MAP2K2: variants seen among roughly 807,000 people sequenced by gnomAD.
MAP2K2 encodes the protein mitogen-activated protein kinase kinase 2, also known as dual specificity mitogen-activated protein kinase kinase 2.
A neutral mutation model predicts 43.7 loss-of-function variants in MAP2K2; 24 were observed. The ratio of observed to expected loss-of-function variants is 0.55; its 90% CI spans 0.40 to 0.77. The LOEUF (loss-of-function observed/expected upper bound fraction) is 0.77. MAP2K2 is among the 30% of genes least tolerant of loss of function. The pLI is 0.00. For synonymous variants in MAP2K2, 244 were observed against 239.7 expected (o/e 1.02, Z -0.17); for missense variants, 470 against 566.8 (o/e 0.83, Z 1.73).
chr19:4,108,147 A>C (rs1417072543), intron 3 of MAP2K2, among the ~76,000 whole-genome samples: 1 of 152,212 alleles, frequency 6.6e-6, no homozygotes, highest in Non-Finnish European at 1.5e-5. Flanking sequence ...CGAGGATGGC[A>C]GGGATGGCCC....
chr19:4,108,321 A>T (rs1305084581), intron 3 of MAP2K2, among the ~76,000 whole-genome samples: 1 of 152,104 alleles, frequency 6.6e-6, no homozygotes, highest in South Asian at 2.1e-4. Flanking sequence ...GCTCACTGAA[A>T]GCTCTGCCTC....
chr19:4,106,746 G>C (rs1357132296), intron 3 of MAP2K2, among the ~76,000 whole-genome samples: 1 of 152,184 alleles, frequency 6.6e-6, no homozygotes, highest in Non-Finnish European at 1.5e-5. Flanking sequence ...TCCACTACAT[G>C]AATAGTGTTG....
rs1379386931 is a variant in MAP2K2, at chr19:4,110,499, A to C, written c.450+10T>G. On this transcript the variant is annotated intron_variant, in intron 3 of 10. Transcript: ENST00000262948. ...GGCCCTGCCCCTGCCCCTGCCCCGG[A>C]CGCACTCACCATGTGTTCCATGCAA... 1 of 1,612,756 alleles carries C rather than the reference A, an allele frequency of 6.2e-7. No individual in the cohort carries two copies. Among genetic ancestry groups the C allele is most frequent in the Non-Finnish European group, 8.5e-7 (1 of 1,179,980 alleles).
At chr19:4,097,376 C>A (rs757613431) in intron 7 of MAP2K2, 33 bp from the exon 8 acceptor site, 8 of 1,543,816 alleles carry the variant, frequency 5.2e-6, no homozygotes, top group Admixed American at 3.3e-5. Context: ...GTGAGATGGG[C>A]CGATGGCCAC....
chr19:4,102,266 G>T, intron 4 of MAP2K2, 110 bp downstream of exon 4: 1 of 935,918 alleles, frequency 1.1e-6, no homozygotes, highest in Non-Finnish European at 1.7e-6. Flanking sequence ...TTTCTGCAGG[G>T]GCCACCCTAA....
Position 4,090,618 on chromosome 19 carries a change from G to C in MAP2K2, c.1183C>G (p.Pro395Ala). 1 of 1,552,616 alleles carries C rather than the reference G, an allele frequency of 6.4e-7. No individual in the cohort carries two copies. Among genetic ancestry groups the C allele is most frequent in the Non-Finnish European group, 8.7e-7 (1 of 1,148,236 alleles). The change falls in exon 11 of 11, where the codon CCC (proline) becomes GCC (alanine). Residue 395 changes from proline (P) to alanine (A), a missense_variant. By Grantham distance (27) the Pro-to-Ala change is conservative (BLOSUM62 -1). Around this residue, in one of 3 missense-constraint regions of MAP2K2, gnomAD observed 212 missense variants for 220.8 expected, o/e 0.96. Coordinates refer to ENST00000262948, the MANE Select transcript of MAP2K2 (RefSeq NM_030662.4). ...CACTGTCACACGGCGGTGCGCGTGG[G>C]TGTGCCGGGCTGGTTCAGCCGCAGG... Reference protein sequence around the residue: ...KTLRLNQPGTPTRTAV With the variant: ...KTLRLNQPGTATRTAV
chr19:4,091,937 C>T (rs953789344), intron 10 of MAP2K2, among the ~76,000 whole-genome samples: 1 of 152,240 alleles, frequency 6.6e-6, no homozygotes, highest in Non-Finnish European at 1.5e-5. Flanking sequence ...GTGTGAGCCA[C>T]TGTGCCCGGC....
At chr19:4,104,744 CG>C (rs1469909842) in intron 3 of MAP2K2, 1 of 152,252 alleles carries the variant, frequency 6.6e-6, no homozygotes, top group African/African-American at 2.4e-5. Context: ...GAGATGAGGG[CG>C]GGCGGAGCGC....
chr19:4,112,212 C>G (rs1364748418), intron 2 of MAP2K2, among the ~76,000 whole-genome samples: 1 of 152,228 alleles, frequency 6.6e-6, no homozygotes, highest in Non-Finnish European at 1.5e-5. Flanking sequence ...AAGGGGCGGC[C>G]AAGCACGGAG....
chr19:4,097,233 GAAGA>G (rs758313763), intron 8 of MAP2K2, 42 bp downstream of exon 8: 6 of 792,404 alleles, frequency 7.6e-6, no homozygotes, highest in Admixed American at 2.5e-5. Flanking sequence ...AAAAAAGAAA[GAAGA>G]AAGAAAAGGA....
At chr19:4,103,448 C>G (rs1023189811) in intron 3 of MAP2K2, 1 of 158,720 alleles carries the variant, frequency 6.3e-6, no homozygotes, top group Non-Finnish European at 1.3e-5. Flanking sequence ...GGGTGACAGG[C>G]CAAGTTCCCA....
chr19:4,106,983 G>A (rs2041092002), intron 3 of MAP2K2, among the ~76,000 whole-genome samples: 1 of 152,194 alleles, frequency 6.6e-6, no homozygotes, highest in African/African-American at 2.4e-5. Flanking sequence ...CCCATCCCAT[G>A]AGGCCCCACT....
At chr19:4,120,915 T>C (rs1026242328) in intron 1 of MAP2K2, among the ~76,000 whole-genome samples, 4 of 145,304 alleles carry the variant, frequency 2.8e-5, no homozygotes, top group African/African-American at 7.3e-5. Flanking sequence ...CTTGCACACA[T>C]TGGCATCAAG....
chr19:4,094,308 G>A (rs1013709855), intron 10 of MAP2K2, 145 bp downstream of exon 10: 6 of 823,330 alleles, frequency 7.3e-6, no homozygotes, highest in Admixed American at 2.1e-5. Context: ...GAGGGTCCTC[G>A]GCGTGGCCTG....
At chr19:4,107,523 C>CAAAAA (rs71166959) in intron 3 of MAP2K2, among the ~76,000 whole-genome samples, 61 of 59,122 alleles carry the variant, frequency 1.0e-3, no homozygotes, top group African/African-American at 2.3e-3. Context: ...GACTCCGTCT[C>CAAAAA]AAAAAAAAAA....
In MAP2K2 at chr19:4,101,061, G is replaced by A. The variant is rs2145054010; in HGVS notation, c.663C>T (p.Asp221=). ...TGCCCACGAAGGAGTTGGCCATGGA[G>A]TCGATGAGCTGGCCGCTCACCCCGA... ...CDFGVSGQLI[D]SMANSFVGTR... Residue 221 remains aspartate (D), a synonymous_variant, in exon 6 of 11, where the codon GAC becomes GAT. Transcript: ENST00000262948. This position sits in a 1 kb window ranked among gnomAD's most constrained non-coding sequence, Gnocchi z 6.3. 6.3e-7 allele frequency: 1 copy of A among 1,584,870 alleles called. No individual in the cohort carries two copies. Among genetic ancestry groups the A allele is most frequent in the Non-Finnish European group, 8.6e-7 (1 of 1,165,988 alleles).
chr19:4,096,229 G>A (rs2040915868), intron 8 of MAP2K2, among the ~76,000 whole-genome samples: 1 of 152,318 alleles, frequency 6.6e-6, no homozygotes, highest in East Asian at 1.9e-4. Flanking sequence ...AGAGGTCGGG[G>A]GATGTGCTCA....
At chr19:4,109,447 G>C (rs1370608717) in intron 3 of MAP2K2, among the ~76,000 whole-genome samples, 1 of 152,168 alleles carries the variant, frequency 6.6e-6, no homozygotes, top group Non-Finnish European at 1.5e-5. Context: ...CATCAGCTTT[G>C]TTATGTTTTG....
intron 3 of MAP2K2, among the ~76,000 whole-genome samples, chr19:4,106,394 G>T (rs181824798): frequency 3.9e-4 from 59 of 152,184 alleles, no homozygotes; most frequent in Admixed American, 3.9e-3. Flanking sequence ...AAATGAATGG[G>T]CCAATGCTAT....
Sources: gnomAD v4.1 joint callset for allele counts (sites outside exome capture counted in the v4.1 genomes callset) on GRCh38, gnomAD v4.1.1 for gene constraint, gnomAD v4.1.1 regional missense constraint, Gnocchi (gnomAD v3.1) non-coding constraint, MANE v1.5 for transcripts, NCBI Gene and HGNC (gene_info 2026-07-23, HGNC 2026-07-21) for gene names.